Variants in PLAUR observed in about 807,000 individuals in gnomAD.
The protein encoded by PLAUR is urokinase plasminogen activator surface receptor.
In PLAUR, 22 loss-of-function variants were observed where a neutral mutation model predicts 33.4. The observed-to-expected ratio is 0.66, with a 90% CI of 0.47 to 0.94. The LOEUF (loss-of-function observed/expected upper bound fraction) is 0.94, where lower values mean the gene tolerates loss of function less well. PLAUR is among the 40% of genes least tolerant of loss of function. The pLI, the probability that PLAUR is intolerant of heterozygous loss-of-function variation, is 0.00. For synonymous variants in PLAUR, 148 were observed against 167.3 expected (o/e 0.88, Z 0.89); for missense variants, 408 against 434.7 (o/e 0.94, Z 0.55).
chr19:43,667,931 C>A, intron 1 of PLAUR: 3 of 1,368,720 alleles, frequency 2.2e-6, no homozygotes, highest in Non-Finnish European at 2.8e-6. Context: ...CAAAGTCCTG[C>A]CTTGGCCCGT....
intron 5 of PLAUR, among the ~76,000 whole-genome samples, 179 bp downstream of exon 5, chr19:43,655,260 G>C (rs1480673010): frequency 2.4e-5 from 3 of 126,112 alleles, no homozygotes; most frequent in Admixed American, 1.9e-4. Flanking sequence ...CTGGGCAACA[G>C]AGTGAGACTC....
At chr19:43,655,721 GT>G in intron 4 of PLAUR, 148 bp from the exon 5 acceptor site, 3 of 712,154 alleles carry the variant, frequency 4.2e-6, no homozygotes, top group Non-Finnish European at 6.8e-6. Flanking sequence ...CATAGATCTT[GT>G]CGAAAACTAC....
rs758855903 is a variant in PLAUR, at chr19:43,655,560, A to G, written c.486T>C (p.Asp162=). ...IQEGEEGRPK[D]DRHLRGCGYL... is the part of the protein sequence containing the mutation. ...AGCCACAGCCACGGAGGTGGCGGTCATCCTTTGGACGCCCTATGGGGGCCA... is the reference window on the plus strand; with the variant it reads ...AGCCACAGCCACGGAGGTGGCGGTCGTCCTTTGGACGCCCTATGGGGGCCA... The change falls in exon 5 of 7, where the codon GAT becomes GAC. Residue 162 remains aspartate, a synonymous_variant. Coordinates refer to ENST00000340093, the MANE Select transcript of PLAUR (RefSeq NM_002659.4). 6.2e-7 allele frequency: 1 copy of G among 1,614,144 alleles called. No homozygotes were observed. Among genetic ancestry groups the G allele is most frequent in the Admixed American group, 1.7e-5 (1 of 60,022 alleles).
Position 43,656,606 on chromosome 19 carries a change from G to A in PLAUR, c.345C>T (p.Leu115=), listed in dbSNP as rs1201057384. The A allele has an allele frequency of 8.1e-6, 13 of 1,610,446 alleles. No homozygotes were observed. The highest frequency in any genetic ancestry group is 1.7e-5 in the Admixed American group (1 of 59,582). ...CTGATGAGCCACAGGAAATGCATTC[G>A]AGGTAACGGCTTCGGGAATAGGTGA... ...RAVTYSRSRY[L]ECISCGSSDM... is the part of the protein sequence containing the mutation. Residue 115 remains leucine, a synonymous_variant, in exon 4 of 7, where the codon CTC becomes CTT. Coordinates refer to ENST00000340093, the MANE Select transcript of PLAUR (RefSeq NM_002659.4).
chr19:43,662,368 G>A (rs1416150395), intron 3 of PLAUR, among the ~76,000 whole-genome samples: 1 of 151,990 alleles, frequency 6.6e-6, no homozygotes, highest in East Asian at 1.9e-4. Flanking sequence ...CATGGTGGCG[G>A]GTGCCTGTAA....
Position 43,655,722 on chromosome 19 carries a change from T to G in PLAUR, c.473-149A>C, listed in dbSNP as rs1442775218. ...TTATCTAGAACAGTCATAGATCTTG[T>G]CGAAAACTACATATTCCAGCCTCTC... On this transcript the variant is annotated intron_variant, in intron 4 of 6. Transcript: ENST00000340093. 6 of 710,342 alleles carry G rather than the reference T, an allele frequency of 8.4e-6. 1 individual carries two copies. The highest frequency in any genetic ancestry group is 1.4e-5 in the Non-Finnish European group (6 of 441,512). 44.0% of individuals were successfully genotyped at this position (710,342 alleles called of 1,614,324 possible). A position where few individuals can be genotyped will look rare whatever the true frequency, so the allele number is the denominator to read the frequency against.
intron 4 of PLAUR, among the ~76,000 whole-genome samples, chr19:43,655,820 G>T (rs1974184856): frequency 6.6e-6 from 1 of 152,194 alleles, no homozygotes; most frequent in Non-Finnish European, 1.5e-5. Context: ...CCAGAAAGGA[G>T]AACCCTTACA....
chr19:43,669,514 A>G (rs1967425458), intron 1 of PLAUR, among the ~76,000 whole-genome samples: 1 of 152,136 alleles, frequency 6.6e-6, no homozygotes, highest in Non-Finnish European at 1.5e-5. Context: ...AACTCCATTT[A>G]AAAAAAGAAC....
At chr19:43,651,864 G>A (rs1045790687) in intron 6 of PLAUR, 8 of 1,033,498 alleles carry the variant, frequency 7.7e-6, no homozygotes, top group Non-Finnish European at 9.3e-6. Context: ...CACAACCCAC[G>A]AGAAATCCAC....
In PLAUR at chr19:43,652,266, C is replaced by T. The variant is rs1974026202; in HGVS notation, c.713G>A (p.Arg238Gln). The change falls in exon 6 of 7, where the codon CGA (arginine) becomes CAA (glutamine). Residue 238 changes from arginine to glutamine, a missense_variant. Transcript: ENST00000340093. ...SSEETFLIDC[R>Q]GPMNQCLVAT... ...TACCAGACATTGATTCATGGGGCCT[C>T]GGCAGTCAATGAGGAAAGTCTCTTC... 5.6e-6 allele frequency: 9 copies of T among 1,614,074 alleles called. No individual in the cohort carries two copies. The highest frequency in any genetic ancestry group is 1.1e-5 in the South Asian group (1 of 91,072).
intron 2 of PLAUR, 117 bp from the exon 3 acceptor site, chr19:43,665,576 T>C: frequency 1.0e-6 from 1 of 987,998 alleles, no homozygotes; most frequent in Non-Finnish European, 1.5e-6. Flanking sequence ...CCTCTTCTGT[T>C]ATTTGAGTCG....
rs1395227492 is a variant in PLAUR, at chr19:43,655,551, G to A, written c.495C>T (p.His165=). The A allele has an allele frequency of 6.2e-7, 1 of 1,614,186 alleles. No homozygotes were observed. Among genetic ancestry groups the A allele is most frequent in the Non-Finnish European group, 8.5e-7 (1 of 1,180,004 alleles). ...GEEGRPKDDR[H]LRGCGYLPGC... ...CGGGAAGGTAGCCACAGCCACGGAG[G>A]TGGCGGTCATCCTTTGGACGCCCTA... is the stretch of plus-strand genomic sequence containing the variant. Residue 165 remains histidine (H), a synonymous_variant, in exon 5 of 7, where the codon CAC becomes CAT. Coordinates refer to ENST00000340093, the MANE Select transcript of PLAUR (RefSeq NM_002659.4).
chr19:43,646,578 T>A, downstream of PLAUR: 2 of 715,528 alleles, frequency 2.8e-6, no homozygotes, highest in Non-Finnish European at 5.2e-6. Context: ...AAATGAAAGT[T>A]TCTTAAAACT....
intron 3 of PLAUR, among the ~76,000 whole-genome samples, chr19:43,658,963 C>T (rs1974320646): frequency 6.6e-6 from 1 of 152,040 alleles, no homozygotes; most frequent in Non-Finnish European, 1.5e-5. Flanking sequence ...ATTCATTCTT[C>T]AGCTGTCATC....
chr19:43,665,382 C>T lies in PLAUR; in HGVS notation c.244G>A (p.Gly82Ser). The stretch of plus-strand genomic sequence containing the variant: ...TCGGTAAGGCTGGTGATCTTCAAGC[C>T]AGTCCGATAGCTCAGGGTCCTGTTG... ...KTNRTLSYRTGLKITSLTEVV... is the reference protein window; with the variant it reads ...KTNRTLSYRTSLKITSLTEVV... The change falls in exon 3 of 7, where the codon GGC (glycine) becomes AGC (serine). Residue 82 changes from glycine (G) to serine (S), a missense_variant. Gly to Ser is a moderately conservative substitution (Grantham distance 56). Coordinates refer to ENST00000340093, the MANE Select transcript of PLAUR (RefSeq NM_002659.4). The T allele has an allele frequency of 6.2e-7, 1 of 1,613,830 alleles. No individual in the cohort carries two copies. Among genetic ancestry groups the T allele is most frequent in the Non-Finnish European group, 8.5e-7 (1 of 1,179,988 alleles).
chr19:43,665,203 A>G (rs987062140), intron 3 of PLAUR, 113 bp downstream of exon 3: 28 of 1,099,400 alleles, frequency 2.5e-5, no homozygotes, highest in Non-Finnish European at 3.6e-5. Context: ...GGACTTGGAT[A>G]AGGCATGGAG....
At chr19:43,666,077 T>C (rs1336601203) in intron 2 of PLAUR, among the ~76,000 whole-genome samples, 1 of 151,758 alleles carries the variant, frequency 6.6e-6, no homozygotes, top group Admixed American at 6.6e-5. Context: ...TAACTTTATT[T>C]TATTTATTTA....
chr19:43,650,314 T>A (rs1973945772), intron 6 of PLAUR, among the ~76,000 whole-genome samples: 1 of 151,428 alleles, frequency 6.6e-6, no homozygotes, highest in Non-Finnish European at 1.5e-5. Flanking sequence ...TGGCTGGTTT[T>A]TTTTTTGTTG....
At chr19:43,666,480 TCCTCCCTCCTCCCTCCCTC>T (rs1568565334) in intron 2 of PLAUR, among the ~76,000 whole-genome samples, 1 of 151,064 alleles carries the variant, frequency 6.6e-6, no homozygotes, top group South Asian at 2.1e-4. Flanking sequence ...TCCCCTTCCT[TCCTCCCTCCTCCCTCCCTC>T]CCTCCCTGCC....
Sources: gnomAD v4.1 joint callset for allele counts (sites outside exome capture counted in the v4.1 genomes callset) on GRCh38, gnomAD v4.1.1 for gene constraint, MANE v1.5 for transcripts, NCBI Gene and HGNC (gene_info 2026-07-23, HGNC 2026-07-21) for gene names.